Variants in PPP2R1B observed in about 807,000 individuals in gnomAD.
The protein encoded by PPP2R1B is protein phosphatase 2 scaffold subunit Abeta.
PPP2R1B carries 58 observed loss-of-function variants against 72.7 expected under a neutral mutation model. That is an observed-to-expected ratio of 0.80 (90% CI 0.65 to 0.99). The LOEUF (loss-of-function observed/expected upper bound fraction) is 0.99, where lower values mean the gene tolerates loss of function less well. Ranked by LOEUF, PPP2R1B falls within the 50% of genes least tolerant of loss-of-function variation. The pLI, the probability that PPP2R1B is intolerant of heterozygous loss-of-function variation, is 0.00. For synonymous variants in PPP2R1B, 256 were observed against 264.6 expected, an observed-to-expected ratio of 0.97 and a Z score of 0.32; for missense variants, 695 against 733.6, an observed-to-expected ratio of 0.95 and a Z score of 0.61.
intron 1 of PPP2R1B, chr11:111,765,906 C>T (rs1555052934): frequency 5.9e-6 from 3 of 507,172 alleles, no homozygotes; most frequent in South Asian, 4.6e-5. Context: ...CTCGGCCTGG[C>T]ACCGCGCTTC....
At chr11:111,765,772 T>C (rs1215429445) in intron 1 of PPP2R1B, 17 of 476,294 alleles carry the variant, frequency 3.6e-5, no homozygotes, top group African/African-American at 3.1e-4. Flanking sequence ...TCCAGATTAA[T>C]CGGCCATCCC....
intron 15 of PPP2R1B, chr11:111,728,256 A>G (rs952508473): frequency 6.6e-6 from 1 of 151,196 alleles, no homozygotes; most frequent in African/African-American, 2.4e-5. Flanking sequence ...ACAGGCAGGG[A>G]TCTTTGATCA....
chr11:111,717,208 C>T, the PPP2R1B span, among the ~76,000 whole-genome samples: 19 of 146,086 alleles, frequency 1.3e-4, no homozygotes, highest in African/African-American at 2.3e-4. Flanking sequence ...CCCAGCTACT[C>T]GGGAGGCTGA....
rs1944516881 is a variant in PPP2R1B at position 111,741,472 on chromosome 11, G to C, written c.*124C>G. ...TAAGTCACTAAATGATTTCTTCTAA[G>C]TTGTTGCCATTTGCTTGGATGAGAT... On this transcript the variant is annotated 3_prime_UTR_variant, in exon 15 of 15. Transcript: ENST00000527614. 6.6e-7 allele frequency: 1 copy of C among 1,507,062 alleles called. No individual in the cohort carries two copies. The highest frequency in any genetic ancestry group is 2.5e-5 in the Admixed American group (1 of 40,460). The allele number at this position is 1,507,062 out of a possible 1,614,324, so 93.4% of individuals were successfully genotyped here. A position where few individuals can be genotyped will look rare whatever the true frequency, so the allele number is the denominator to read the frequency against.
chr11:111,732,400 A>G (rs183758557), intron 15 of PPP2R1B, among the ~76,000 whole-genome samples: 1 of 152,272 alleles, frequency 6.6e-6, no homozygotes, highest in East Asian at 1.9e-4. Flanking sequence ...TGCTCTCTCA[A>G]AAGTTCTTGG....
At chr11:111,762,996 G>A (rs933859717) in intron 3 of PPP2R1B, among the ~76,000 whole-genome samples, 9 of 152,240 alleles carry the variant, frequency 5.9e-5, no homozygotes, top group Non-Finnish European at 1.3e-4. Flanking sequence ...TTCTAATGGA[G>A]TAAGACAACA....
At position 111,753,513 on chromosome 11, in the gene PPP2R1B, G is replaced by C. The variant is rs782147963; in HGVS notation, c.1094C>G (p.Ser365Cys). ...GGTATTTTCTTTGCCCAAAATAGTA[G>C]ACAATCCCATAATTACAGAAGCTAG... Reference protein sequence around the residue: ...SALASVIMGLSTILGKENTIE... With the variant: ...SALASVIMGLCTILGKENTIE... Residue 365 changes from serine (S) to cysteine (C), a missense_variant, in exon 9 of 15, where the codon TCT (serine) becomes TGT (cysteine). By Grantham distance (112) the Ser-to-Cys change is moderately radical. Coordinates refer to ENST00000527614, the MANE Select transcript of PPP2R1B (RefSeq NM_002716.5). The C allele has an allele frequency of 1.9e-6, 3 of 1,613,036 alleles. No homozygotes were observed. The highest frequency in any genetic ancestry group is 1.7e-6 in the Non-Finnish European group (2 of 1,179,140).
rs1938765688 is a variant in PPP2R1B, at chr11:111,740,726, G to C, written c.*870C>G. 10 of 985,300 alleles carry C rather than the reference G, an allele frequency of 1.0e-5. No homozygotes were observed. Among genetic ancestry groups the C allele is most frequent in the Non-Finnish European group, 1.2e-5 (10 of 829,922 alleles). 61.0% of individuals were successfully genotyped at this position (985,300 alleles called of 1,614,324 possible). ...CAAGGACTAGGTGTCAATACTGCTG[G>C]AAGCAGAGCCAGGTAAAGAACAGGA... is the stretch of plus-strand genomic sequence containing the variant. On this transcript the variant is annotated 3_prime_UTR_variant, in exon 15 of 15. Transcript: ENST00000527614.
rs782411903 is a variant in PPP2R1B at position 111,753,427 on chromosome 11, A to C, written c.1164+16T>G. 1 of 1,606,894 alleles carries C rather than the reference A, an allele frequency of 6.2e-7. No individual in the cohort carries two copies. The highest frequency in any genetic ancestry group is 1.1e-5 in the South Asian group (1 of 88,508). On this transcript the variant is annotated intron_variant, in intron 9 of 14. Transcript: ENST00000527614. ...AAATTACTATCAAAGGCAACAGAACATAAAGCAAGACCCACCTCATCCTTT... is the reference window on the plus strand; with the variant it reads ...AAATTACTATCAAAGGCAACAGAACCTAAAGCAAGACCCACCTCATCCTTT...
At chr11:111,734,211 C>G (rs74779443), downstream of PPP2R1B, among the ~76,000 whole-genome samples, 4 of 152,316 alleles carry the variant, frequency 2.6e-5, no homozygotes, top group East Asian at 7.7e-4. Context: ...TGCCCCAACA[C>G]TAGGTACAGA....
At chr11:111,757,038 C>G (rs1231134819) in intron 5 of PPP2R1B, among the ~76,000 whole-genome samples, 1 of 151,184 alleles carries the variant, frequency 6.6e-6, no homozygotes, top group African/African-American at 2.4e-5. Context: ...TGCTTGAACC[C>G]AGGAGGCAGA....
chr11:111,766,189 C>G (rs1945531724), intron 1 of PPP2R1B, 59 bp downstream of exon 1: 4 of 1,564,360 alleles, frequency 2.6e-6, no homozygotes, highest in Non-Finnish European at 3.5e-6. Context: ...CAGGCCTTCC[C>G]CCTTCTCTAC....
chr11:111,723,111 G>A (rs1239276588), downstream of PPP2R1B, among the ~76,000 whole-genome samples: 9 of 152,170 alleles, frequency 5.9e-5, no homozygotes, highest in Non-Finnish European at 8.8e-5. Flanking sequence ...CCACAGCCTC[G>A]CTAGTAGAAG....
intron 15 of PPP2R1B, among the ~76,000 whole-genome samples, chr11:111,731,420 C>G (rs1825022430): frequency 6.6e-6 from 1 of 152,256 alleles, no homozygotes; most frequent in South Asian, 2.1e-4. Context: ...GGCGGGGCAC[C>G]CTTTTGAGGC....
chr11:111,766,173 G>T, intron 1 of PPP2R1B, 75 bp downstream of exon 1: 2 of 1,468,452 alleles, frequency 1.4e-6, no homozygotes, highest in Non-Finnish European at 1.9e-6. Context: ...CACCCCCACC[G>T]CGACGCAGGC....
Position 111,754,534 on chromosome 11 carries a change from T to A in PPP2R1B, c.994A>T (p.Thr332Ser), listed in dbSNP as rs782810312. The A allele has an allele frequency of 2.5e-6, 4 of 1,603,918 alleles. No homozygotes were observed. The highest frequency in any genetic ancestry group is 2.2e-5 in the East Asian group (1 of 44,586). The change falls in exon 8 of 15, where the codon ACC (threonine) becomes TCC (serine). Residue 332 changes from threonine (T) to serine (S), a missense_variant. By Grantham distance (58) the Thr-to-Ser change is moderately conservative. Transcript: ENST00000527614. ...GENLPIEDRETIIMNQILPYI... is the reference protein window; with the variant it reads ...GENLPIEDRESIIMNQILPYI... ...GGCAGAATTTGATTCATAATTATGG[T>A]CTCTCTATCTTCAATGGGCAAGTTC...
At chr11:111,712,574 A>G in the PPP2R1B span, among the ~76,000 whole-genome samples, 27 of 152,300 alleles carry the variant, frequency 1.8e-4, 1 homozygote, top group East Asian at 5.2e-3. Flanking sequence ...CAGTATGACC[A>G]TTACGTAATT....
At chr11:111,734,121 C>G (rs1458341655), downstream of PPP2R1B, among the ~76,000 whole-genome samples, 1 of 152,184 alleles carries the variant, frequency 6.6e-6, no homozygotes, top group African/African-American at 2.4e-5. Context: ...GCAGCCTGGC[C>G]TGGCACTCCT....
At chr11:111,721,898 A>G in the PPP2R1B span, 2 of 1,611,938 alleles carry the variant, frequency 1.2e-6, no homozygotes, top group Non-Finnish European at 1.7e-6. Flanking sequence ...AGCTGTCCCC[A>G]CGGCAGAGCC....
Sources: gnomAD v4.1 joint callset for allele counts (sites outside exome capture counted in the v4.1 genomes callset) on GRCh38, gnomAD v4.1.1 for gene constraint, MANE v1.5 for transcripts, NCBI Gene and HGNC (gene_info 2026-07-23, HGNC 2026-07-21) for gene names.